Variants in PRR5 observed in about 807,000 individuals in gnomAD.
PRR5 encodes proline-rich protein 5.
PRR5 carries 25 observed loss-of-function variants against 30.6 expected under a neutral mutation model. The ratio of observed to expected loss-of-function variants is 0.82; its 90% confidence interval spans 0.60 to 1.14. The LOEUF is 1.14. Among genes scored for constraint, PRR5 ranks in the 50% most tolerant of loss-of-function variants. The pLI is 0.00. For synonymous variants in PRR5, 286 were observed against 247.1 expected (o/e 1.16, Z -1.48); for missense variants, 600 against 547.1 (o/e 1.10, Z -0.96).
chr22:44,674,038 C>T (rs547596588), upstream of PRR5, among the ~76,000 whole-genome samples: 31 of 152,322 alleles, frequency 2.0e-4, no homozygotes, highest in Admixed American at 1.8e-3. Context: ...CAGCCTTTCT[C>T]CCTAAACATA....
At chr22:44,697,768 C>T (rs1374428360), upstream of PRR5, among the ~76,000 whole-genome samples, 1 of 152,236 alleles carries the variant, frequency 6.6e-6, no homozygotes, top group East Asian at 1.9e-4. Context: ...TGACTCTGAC[C>T]TCGGACATAC....
intron 1 of PRR5, among the ~76,000 whole-genome samples, chr22:44,711,571 G>A (rs570075259): frequency 1.3e-5 from 2 of 152,268 alleles, no homozygotes; most frequent in South Asian, 4.1e-4. Context: ...GCTGCTCAGG[G>A]CAGATCACTG....
intron 2 of PRR5, among the ~76,000 whole-genome samples, chr22:44,718,226 C>T (rs537374511): frequency 2.2e-4 from 23 of 103,466 alleles, no homozygotes; most frequent in African/African-American, 6.8e-4. Flanking sequence ...ACTGAGTCTT[C>T]ATCTGTCACC....
chr22:44,718,937 T>C (rs1929516789), intron 2 of PRR5, among the ~76,000 whole-genome samples: 1 of 152,246 alleles, frequency 6.6e-6, no homozygotes, highest in Non-Finnish European at 1.5e-5. Context: ...CCTCCCATTC[T>C]GTGAGCTGTC....
At chr22:44,678,304 C>T (rs1273802918) in intron 1 of PRR5, among the ~76,000 whole-genome samples, 2 of 151,470 alleles carry the variant, frequency 1.3e-5, no homozygotes, top group East Asian at 1.9e-4. Flanking sequence ...CGTCCTTCAC[C>T]TGCTGGGCTT....
chr22:44,712,461 A>G (rs578177433), intron 1 of PRR5, among the ~76,000 whole-genome samples: 2 of 152,256 alleles, frequency 1.3e-5, no homozygotes, highest in South Asian at 2.1e-4. Flanking sequence ...GAGGATAGGG[A>G]GACGGGAAGC....
intron 1 of PRR5, among the ~76,000 whole-genome samples, chr22:44,685,008 G>A (rs1028048397): frequency 5.9e-5 from 9 of 152,192 alleles, no homozygotes; most frequent in Admixed American, 2.0e-4. Context: ...GTTACTGACC[G>A]TGGGAAGCGT....
intron 7 of PRR5, 94 bp from the exon 8 acceptor site, chr22:44,736,678 T>G (rs574764874): frequency 3.4e-5 from 50 of 1,480,648 alleles, no homozygotes; most frequent in Non-Finnish European, 8.1e-6. Flanking sequence ...CAGCTGCCCC[T>G]GCACAGGGAC....
chr22:44,700,016 C>T (rs1369454352), upstream of PRR5, among the ~76,000 whole-genome samples: 4 of 151,916 alleles, frequency 2.6e-5, no homozygotes, highest in South Asian at 6.2e-4. Context: ...ACAGTGTTCC[C>T]GTAAGTTTGA....
chr22:44,696,721 G>GTATTTAGTTATTTATTTATTTATTTATT (rs1925778141), intron 1 of PRR5, among the ~76,000 whole-genome samples: 3 of 147,926 alleles, frequency 2.0e-5, no homozygotes, highest in African/African-American at 7.6e-5. Flanking sequence ...ATGAACTTAC[G>GTATTTAGTTATTTATTTATTTATTTATT]TATTTATTTA....
At chr22:44,681,017 C>A (rs1268496905) in intron 1 of PRR5, among the ~76,000 whole-genome samples, 1 of 152,260 alleles carries the variant, frequency 6.6e-6, no homozygotes, top group Non-Finnish European at 1.5e-5. Flanking sequence ...GTCTGCCAGA[C>A]TAGCACGGCA....
intron 1 of PRR5, 68 bp from the exon 2 acceptor site, chr22:44,714,523 G>A (rs1928753338): frequency 6.3e-7 from 1 of 1,586,680 alleles, no homozygotes; most frequent in African/African-American, 1.3e-5. Context: ...AAGAGGAATG[G>A]GGCCTGATGG....
At position 44,735,168 on chromosome 22, in the gene PRR5, G is replaced by T; in HGVS notation, c.691+6G>T. ...CACCCATTCCTGCATCCTGGGTAGGGGTCCGCCTGGGCCTTGGGCTGGGGC... is the reference window on the plus strand; with the variant it reads ...CACCCATTCCTGCATCCTGGGTAGGTGTCCGCCTGGGCCTTGGGCTGGGGC... On this transcript the variant is annotated splice_donor_region_variant and intron_variant, in intron 7 of 7. Transcript: ENST00000336985. 6.2e-7 allele frequency: 1 copy of T among 1,611,424 alleles called. No homozygotes were observed. The highest frequency in any genetic ancestry group is 2.2e-5 in the East Asian group (1 of 44,780).
At chr22:44,712,491 G>T (rs1928405539) in intron 1 of PRR5, among the ~76,000 whole-genome samples, 2 of 152,220 alleles carry the variant, frequency 1.3e-5, no homozygotes, top group African/African-American at 4.8e-5. Context: ...TCCCGGCTCC[G>T]TGTGGGGACG....
upstream of PRR5, among the ~76,000 whole-genome samples, chr22:44,700,160 A>G (rs1926124460): frequency 6.6e-6 from 1 of 152,026 alleles, no homozygotes; most frequent in Non-Finnish European, 1.5e-5. Context: ...CTATTACAAA[A>G]TTTTTTAAAA....
intron 1 of PRR5, among the ~76,000 whole-genome samples, chr22:44,669,830 A>G (rs11912808): frequency 0.024 from 3,602 of 151,512 alleles, 156 homozygotes; most frequent in African/African-American, 0.083. Flanking sequence ...TTGGTGGGAG[A>G]GTGGTGAGTC....
chr22:44,678,803 A>G (rs1924002314), intron 1 of PRR5, among the ~76,000 whole-genome samples: 1 of 152,172 alleles, frequency 6.6e-6, no homozygotes. Flanking sequence ...TCTCCCCGAC[A>G]GCCTGGGGCT....
intron 1 of PRR5, among the ~76,000 whole-genome samples, chr22:44,677,832 C>G (rs1601945701): frequency 6.6e-6 from 1 of 152,338 alleles, no homozygotes; most frequent in East Asian, 1.9e-4. Flanking sequence ...TTTCTCTGAG[C>G]AAGCAAGGAT....
intron 1 of PRR5, among the ~76,000 whole-genome samples, chr22:44,682,554 C>T (rs1924391679): frequency 6.6e-6 from 1 of 152,188 alleles, no homozygotes; most frequent in African/African-American, 2.4e-5. Context: ...ATTATGAAAG[C>T]CTGGTGAAGA....
Sources: allele counts gnomAD v4.1 joint callset (sites outside exome capture counted in the v4.1 genomes callset), GRCh38; gene constraint gnomAD v4.1.1; transcripts MANE v1.5; gene names NCBI Gene and HGNC (gene_info 2026-07-23, HGNC 2026-07-21).